The following ACOT12 variants were observed in gnomAD, a reference collection of about 807,000 sequenced individuals.
The protein encoded by ACOT12 is acyl-CoA thioesterase 12, also known as acetyl-coenzyme A thioesterase.
ACOT12 carries 51 observed loss-of-function variants against 67.7 expected under a neutral mutation model. That is an observed-to-expected ratio of 0.75 (90% CI 0.60 to 0.95). ACOT12 has a LOEUF of 0.95. ACOT12 is among the 40% of genes least tolerant of loss of function. The pLI is 0.00. For synonymous variants in ACOT12, 251 were observed against 244.6 expected (o/e 1.03, Z -0.24); for missense variants, 734 against 708.1 (o/e 1.04, Z -0.41).
At chr5:81,387,167 A>G (rs977389767) in intron 1 of ACOT12, among the ~76,000 whole-genome samples, 2 of 151,824 alleles carry the variant, frequency 1.3e-5, no homozygotes, top group African/African-American at 4.8e-5. Context: ...CACCATGCCC[A>G]GCTAATTTTT....
chr5:81,344,988 C>A lies in ACOT12; in HGVS notation c.827G>T (p.Gly276Val), dbSNP rs780074046. ...AGCACTGTTGATGTGACGCCCTCGG[C>A]CCTCGGCCCATTCCTGACAGTCAAA... Reference protein sequence around the residue: ...EAFDCQEWAEGRGRHINSAFL... With the variant: ...EAFDCQEWAEVRGRHINSAFL... Residue 276 changes from glycine (G) to valine (V), a missense_variant, in exon 8 of 15, where the codon GGC (glycine) becomes GTC (valine). Physicochemically the swap from Gly to Val is moderately radical, Grantham distance 109 (BLOSUM62 -3). Coordinates refer to ENST00000307624, the MANE Select transcript of ACOT12 (RefSeq NM_130767.3). The A allele has an allele frequency of 4.3e-6, 7 of 1,614,178 alleles. No individual in the cohort carries two copies. Among genetic ancestry groups the A allele is most frequent in the Non-Finnish European group, 5.1e-6 (6 of 1,180,024 alleles).
At chr5:81,359,767 G>A (rs1759842838) in intron 5 of ACOT12, 136 bp downstream of exon 5, 7 of 918,482 alleles carry the variant, frequency 7.6e-6, no homozygotes, top group Non-Finnish European at 1.1e-5. Flanking sequence ...TCCAGCCACC[G>A]GGTTTGTTGG....
chr5:81,387,003 T>C (rs915816791), intron 1 of ACOT12, among the ~76,000 whole-genome samples: 2 of 105,626 alleles, frequency 1.9e-5, no homozygotes, highest in Admixed American at 2.2e-4. Flanking sequence ...CCATTTTTTT[T>C]TTTTTTTTTT....
intron 5 of ACOT12, among the ~76,000 whole-genome samples, chr5:81,350,691 C>T (rs1482590896): frequency 6.6e-6 from 1 of 152,160 alleles, no homozygotes; most frequent in African/African-American, 2.4e-5. Flanking sequence ...TCTGTTTTAG[C>T]CCAGACAGGT....
the ACOT12 span, among the ~76,000 whole-genome samples, chr5:81,319,694 G>A: frequency 1.3e-5 from 2 of 150,066 alleles, no homozygotes; most frequent in African/African-American, 4.9e-5. Context: ...TCCAGCCTGG[G>A]CAACAAGAGC....
chr5:81,345,074 A>G, intron 7 of ACOT12, 33 bp from the exon 8 acceptor site: 1 of 1,612,302 alleles, frequency 6.2e-7, no homozygotes, highest in South Asian at 1.1e-5. Flanking sequence ...GTGGGCAAAG[A>G]GGATCTTGAC....
chr5:81,316,025 A>G, the ACOT12 span, among the ~76,000 whole-genome samples: 1 of 152,228 alleles, frequency 6.6e-6, no homozygotes, highest in African/African-American at 2.4e-5. Flanking sequence ...CTAAAACAGT[A>G]CTTAGCACAT....
At position 81,363,804 on chromosome 5, in the gene ACOT12, G is replaced by C. The variant is rs907563966; in HGVS notation, c.344C>G (p.Pro115Arg). ...AAAATTTACCTTTTCTTTTCCAACTGGTTTGGCTACAAATGTGGAGAAAGC... is the reference window on the plus strand; with the variant it reads ...AAAATTTACCTTTTCTTTTCCAACTCGTTTGGCTACAAATGTGGAGAAAGC... ...SVAFSTFVAK[P>R]VGKEKIHLKP... is the part of the protein sequence containing the mutation. Residue 115 changes from proline (P) to arginine (R), a missense_variant, in exon 4 of 15, where the codon CCA (proline) becomes CGA (arginine). Transcript: ENST00000307624. The C allele has an allele frequency of 6.2e-7, 1 of 1,608,678 alleles. No homozygotes were observed.
At chr5:81,358,025 A>AG (rs1356254508) in intron 5 of ACOT12, among the ~76,000 whole-genome samples, 47 of 141,322 alleles carry the variant, frequency 3.3e-4, no homozygotes, top group African/African-American at 8.7e-4. Context: ...AAAAAAAAAA[A>AG]AAAAAGAAGA....
At chr5:81,314,219 C>G in the ACOT12 span, among the ~76,000 whole-genome samples, 1 of 152,118 alleles carries the variant, frequency 6.6e-6, no homozygotes, top group Non-Finnish European at 1.5e-5. Flanking sequence ...ATTCTCCTGC[C>G]TCAGCCTCCT....
the ACOT12 span, chr5:81,309,160 A>G: frequency 1.4e-6 from 1 of 713,344 alleles, no homozygotes; most frequent in African/African-American, 1.8e-5. Context: ...TGAGAATTAC[A>G]TTATTTTTAT....
At chr5:81,330,565 A>G in intron 14 of ACOT12, 22 bp from the exon 15 acceptor site, 6 of 1,611,020 alleles carry the variant, frequency 3.7e-6, no homozygotes, top group Non-Finnish European at 5.1e-6. Flanking sequence ...AGAAAGTACA[A>G]TATTTTAATT....
chr5:81,330,843 T>A lies in ACOT12; in HGVS notation c.1489A>T (p.Ile497Phe). ...CATGAATTGCTGTCAATAGCATGGA[T>A]GAGAAATCCGGCACATATGATTTCA... ...RSEIICAGFL[I>F]HAIDSNSCIV... Residue 497 changes from isoleucine (I) to phenylalanine (F), a missense_variant, in exon 14 of 15, where the codon ATC becomes TTC. By Grantham distance (21) the Ile-to-Phe change is conservative. Coordinates refer to ENST00000307624, the MANE Select transcript of ACOT12 (RefSeq NM_130767.3). 6.2e-7 allele frequency: 1 copy of A among 1,614,048 alleles called. No individual in the cohort carries two copies. The highest frequency in any genetic ancestry group is 8.5e-7 in the Non-Finnish European group (1 of 1,179,972).
chr5:81,308,609 G>A, the ACOT12 span: 203 of 1,613,362 alleles, frequency 1.3e-4, no homozygotes, highest in African/African-American at 4.9e-4. Context: ...AGATTGCCCC[G>A]CCGCCCTTGA....
chr5:81,339,055 G>A (rs935783097), intron 11 of ACOT12, among the ~76,000 whole-genome samples: 1 of 152,158 alleles, frequency 6.6e-6, no homozygotes, highest in Admixed American at 6.5e-5. Flanking sequence ...ACTCCAACCT[G>A]GGCAAAGAGT....
At chr5:81,385,724 A>G in intron 2 of ACOT12, 33 bp downstream of exon 2, 1 of 1,608,678 alleles carries the variant, frequency 6.2e-7, no homozygotes, top group South Asian at 1.1e-5. Flanking sequence ...CCACAAACCC[A>G]GGAGAAAGGA....
At chr5:81,315,972 C>G in the ACOT12 span, among the ~76,000 whole-genome samples, 14 of 152,160 alleles carry the variant, frequency 9.2e-5, no homozygotes, top group African/African-American at 3.1e-4. Context: ...ATAATCTCCA[C>G]GGGGGGTGGA....
chr5:81,366,285 CA>C (rs1319453977), intron 3 of ACOT12, among the ~76,000 whole-genome samples: 1 of 152,000 alleles, frequency 6.6e-6, no homozygotes, highest in Non-Finnish European at 1.5e-5. Context: ...CAGCACTAAA[CA>C]ATATAAAATT....
chr5:81,383,646 G>C (rs1451809170), intron 2 of ACOT12, among the ~76,000 whole-genome samples: 2 of 151,940 alleles, frequency 1.3e-5, no homozygotes, highest in African/African-American at 4.8e-5. Context: ...TGTGGAAGCA[G>C]AACAGTGATA....
Sources: gnomAD v4.1 joint callset for allele counts (sites outside exome capture counted in the v4.1 genomes callset) on GRCh38, gnomAD v4.1.1 for gene constraint, MANE v1.5 for transcripts, NCBI Gene and HGNC (gene_info 2026-07-23, HGNC 2026-07-21) for gene names.